The following GLIS1 variants were observed in gnomAD, a reference collection of about 807,000 sequenced individuals.
The protein encoded by GLIS1 is zinc finger protein GLIS1.
In GLIS1, 24 loss-of-function variants were observed where a neutral mutation model predicts 63.8. The observed-to-expected ratio is 0.38, with a 90% CI of 0.27 to 0.53. The LOEUF (loss-of-function observed/expected upper bound fraction) is 0.53. Ranked by LOEUF, GLIS1 falls within the 20% of genes least tolerant of loss-of-function variation. GLIS1 has a pLI of 0.85. For missense variants in GLIS1, 1,036 were observed against 1,074.1 expected, an observed-to-expected ratio of 0.96 and a Z score of 0.50; for synonymous variants, 450 against 482.5, an observed-to-expected ratio of 0.93 and a Z score of 0.88.
chr1:53,736,215 A>G (rs1646911149), intron 2 of GLIS1, among the ~76,000 whole-genome samples: 1 of 152,212 alleles, frequency 6.6e-6, no homozygotes, highest in South Asian at 2.1e-4. Context: ...TTCCAAATGG[A>G]ATCCTGACTT....
At chr1:53,640,020 G>A (rs1254184602) in intron 2 of GLIS1, among the ~76,000 whole-genome samples, 1 of 152,194 alleles carries the variant, frequency 6.6e-6, no homozygotes, top group Non-Finnish European at 1.5e-5. Flanking sequence ...TGCTTCCATA[G>A]TGCCAAGCAC....
chr1:53,533,872 T>G (rs1456843251), intron 4 of GLIS1, among the ~76,000 whole-genome samples: 2 of 152,172 alleles, frequency 1.3e-5, no homozygotes, highest in Non-Finnish European at 2.9e-5. Context: ...TTGGTTCTGC[T>G]GGGCCTGGTG....
chr1:53,672,035 G>C (rs1646157616), intron 2 of GLIS1, among the ~76,000 whole-genome samples: 1 of 152,198 alleles, frequency 6.6e-6, no homozygotes, highest in African/African-American at 2.4e-5. Context: ...ATACACAGCA[G>C]GCCCTGGCCA....
rs1182154620 is a variant in GLIS1, at chr1:53,594,553, G to T, written c.875C>A (p.Ser292Tyr). 1.2e-6 allele frequency: 2 copies of T among 1,602,542 alleles called. No individual in the cohort carries two copies. The highest frequency in any genetic ancestry group is 1.1e-5 in the South Asian group (1 of 90,778). The change falls in exon 4 of 11, where the codon TCC becomes TAC. Residue 292 changes from serine (S) to tyrosine (Y), a missense_variant. Ser to Tyr is a moderately radical substitution (Grantham distance 144). This residue lies in a region of GLIS1 where 592 missense variants were observed against 593.9 expected (regional missense o/e 1.00). Coordinates refer to ENST00000628545, the MANE Select transcript of GLIS1 (RefSeq NM_001367484.1). ...TGCAGGGCCAGGCCGGGCCCGCTTG[G>T]AAGGGCCCCCCAGATCTCCCGTCAG... ...PPLTGDLGGP[S>Y]KRARPGPAST... is the part of the protein sequence containing the mutation.
chr1:53,563,420 A>T (rs1315456751), intron 4 of GLIS1, among the ~76,000 whole-genome samples: 1 of 152,254 alleles, frequency 6.6e-6, no homozygotes, highest in Non-Finnish European at 1.5e-5. Flanking sequence ...GAACCAACAG[A>T]ATTTCCAGAA....
At chr1:53,575,203 C>T (rs1247645434) in intron 4 of GLIS1, among the ~76,000 whole-genome samples, 3 of 152,104 alleles carry the variant, frequency 2.0e-5, no homozygotes, top group Non-Finnish European at 4.4e-5. Context: ...ATCCCGGCTG[C>T]CTATGGGCGC....
chr1:53,648,492 G>A (rs1645871379), intron 2 of GLIS1, among the ~76,000 whole-genome samples: 1 of 152,190 alleles, frequency 6.6e-6, no homozygotes, highest in South Asian at 2.1e-4. Context: ...TAGCTCAGCA[G>A]TTTAATTCCT....
intron 7 of GLIS1, among the ~76,000 whole-genome samples, chr1:53,517,512 G>T (rs1292360037): frequency 6.6e-6 from 1 of 152,132 alleles, no homozygotes; most frequent in Non-Finnish European, 1.5e-5. Flanking sequence ...AGCTGGGAAG[G>T]CTTAGAATCC....
chr1:53,536,221 G>A (rs1644580154), intron 4 of GLIS1, among the ~76,000 whole-genome samples: 1 of 152,050 alleles, frequency 6.6e-6, no homozygotes, highest in South Asian at 2.1e-4. Flanking sequence ...GACTGATCTG[G>A]CTAGAAGGAA....
chr1:53,584,602 T>C (rs983892665), intron 4 of GLIS1, among the ~76,000 whole-genome samples: 1 of 152,176 alleles, frequency 6.6e-6, no homozygotes, highest in Non-Finnish European at 1.5e-5. Context: ...TGTCAAGCTG[T>C]GTTGAAAGGT....
intron 8 of GLIS1, among the ~76,000 whole-genome samples, chr1:53,513,471 T>C (rs1385127593): frequency 6.6e-6 from 1 of 152,134 alleles, no homozygotes. Context: ...CCCCAAGCTC[T>C]CACCATGCCT....
intron 2 of GLIS1, among the ~76,000 whole-genome samples, chr1:53,667,593 C>A (rs1463737002): frequency 6.6e-6 from 1 of 150,794 alleles, no homozygotes; most frequent in Non-Finnish European, 1.5e-5. Context: ...GACTCACAGG[C>A]TCTCACAGTT....
intron 2 of GLIS1, among the ~76,000 whole-genome samples, chr1:53,610,459 T>C (rs1415992228): frequency 1.3e-5 from 2 of 152,366 alleles, no homozygotes; most frequent in South Asian, 2.1e-4. Context: ...GAATTCTAAG[T>C]TGGCAGTTAT....
intron 8 of GLIS1, among the ~76,000 whole-genome samples, chr1:53,510,576 A>T (rs899657435): frequency 1.3e-5 from 2 of 152,178 alleles, no homozygotes; most frequent in African/African-American, 4.8e-5. Context: ...CAGACCAGAA[A>T]ACCAAGGCTC....
rs1465260937 is a variant in GLIS1 at position 53,560,229 on chromosome 1, AAAG to A, written c.1321-30280_1321-30278del. On this transcript the variant is annotated intron_variant, in intron 4 of 10. Transcript: ENST00000628545. The surrounding 1 kb of genome is among the most constrained non-coding windows in gnomAD (Gnocchi z 4.4). ...GTAGAGCTCACCAGCGAAGACAGAC[AAAG>A]AAGAGCCAGCTTTGCCCAGACCTGG... Among the ~76,000 whole-genome samples the A allele has an allele frequency of 4.6e-5, 7 of 152,212 alleles. No homozygotes were observed. Among genetic ancestry groups the A allele is most frequent in the African/African-American group, 1.4e-4 (6 of 41,452 alleles).
At chr1:53,648,985 A>C (rs1335512723) in intron 2 of GLIS1, among the ~76,000 whole-genome samples, 1 of 152,222 alleles carries the variant, frequency 6.6e-6, no homozygotes, top group East Asian at 1.9e-4. Flanking sequence ...TGACTCTTGA[A>C]CAAGATGGTT....
At chr1:53,670,488 G>C (rs1382271551) in intron 2 of GLIS1, among the ~76,000 whole-genome samples, 1 of 152,152 alleles carries the variant, frequency 6.6e-6, no homozygotes, top group East Asian at 1.9e-4. Flanking sequence ...CCAGATCCCA[G>C]TACACAGGAG....
chr1:53,734,061 CT>C (rs112341265), intron 2 of GLIS1: 74,157 of 610,528 alleles, frequency 0.12, 702 homozygotes, highest in African/African-American at 0.22. Flanking sequence ...TCTACAATTC[CT>C]TTTTTTTTTT....
rs2100360137 is a variant in GLIS1 at position 53,660,812 on chromosome 1, G to A, written c.260-60534C>T. The stretch of plus-strand genomic sequence containing the variant: ...AGTGTGTACCTTCAGGGCTCAGCAG[G>A]GAGGAGAGACTACAAAGAGAGCAGG... On this transcript the variant is annotated intron_variant, in intron 2 of 10. Coordinates refer to ENST00000628545, the MANE Select transcript of GLIS1 (RefSeq NM_001367484.1). Among the ~76,000 whole-genome samples, 4 of 152,306 alleles carry A rather than the reference G, an allele frequency of 2.6e-5. No individual in the cohort carries two copies. In the Middle Eastern group the frequency reaches 0.01, roughly 389 times the overall value.
Sources: allele counts gnomAD v4.1 joint callset (sites outside exome capture counted in the v4.1 genomes callset), GRCh38; gene constraint gnomAD v4.1.1; regional missense constraint gnomAD v4.1.1; non-coding constraint Gnocchi (gnomAD v3.1); transcripts MANE v1.5; gene names NCBI Gene and HGNC (gene_info 2026-07-23, HGNC 2026-07-21).